RBFOX1: variants seen among roughly 807,000 people sequenced by gnomAD.
RBFOX1 encodes RNA binding protein fox-1 homolog 1.
RBFOX1 carries 8 observed loss-of-function variants against 57.7 expected under a neutral mutation model. The observed-to-expected ratio is 0.14, with a 90% confidence interval of 0.08 to 0.25. The LOEUF is 0.25. Among genes scored for constraint, RBFOX1 ranks in the 10% least tolerant of loss-of-function variants. RBFOX1 has a pLI of 1.00. For missense variants in RBFOX1, 611 were observed against 548.5 expected (o/e 1.11, Z -1.14); for synonymous variants, 326 against 222.4 (o/e 1.47, Z -4.15).
At chr16:5,289,401 G>A in intron 1 of RBFOX1, 2 of 356,128 alleles carry the variant, frequency 5.6e-6, no homozygotes, top group Middle Eastern at 8.2e-4. Flanking sequence ...ATGGGGTGCT[G>A]CCATCATACC....
At chr16:6,149,373 A>G (rs1597800639) in intron 1 of RBFOX1, among the ~76,000 whole-genome samples, 1 of 152,212 alleles carries the variant, frequency 6.6e-6, no homozygotes, top group East Asian at 1.9e-4. Flanking sequence ...AGGAACATTG[A>G]AGTTTTGCTA....
intron 1 of RBFOX1, among the ~76,000 whole-genome samples, chr16:5,320,165 C>A (rs547976367): frequency 6.6e-6 from 1 of 152,128 alleles, no homozygotes; most frequent in East Asian, 1.9e-4. Context: ...CATAGGTGTG[C>A]GTGTAACCAG....
intron 2 of RBFOX1, among the ~76,000 whole-genome samples, chr16:6,607,688 G>A (rs760445036): frequency 6.6e-6 from 1 of 151,574 alleles, no homozygotes; most frequent in East Asian, 1.9e-4. Flanking sequence ...TGCCTATGTG[G>A]GCATGTGAGT....
chr16:7,643,742 C>T (rs1026868848), intron 11 of RBFOX1, among the ~76,000 whole-genome samples: 3 of 152,126 alleles, frequency 2.0e-5, no homozygotes, highest in African/African-American at 7.2e-5. Flanking sequence ...TGAACTCTTA[C>T]CAGGAACATA....
chr16:5,392,162 G>T (rs1459924410), intron 1 of RBFOX1, among the ~76,000 whole-genome samples: 2 of 152,092 alleles, frequency 1.3e-5, no homozygotes, highest in Non-Finnish European at 2.9e-5. Flanking sequence ...AGGGATAAAA[G>T]ACTACAAATT....
chr16:7,546,086 G>A (rs1466722171), intron 5 of RBFOX1, among the ~76,000 whole-genome samples: 1 of 151,902 alleles, frequency 6.6e-6, no homozygotes, highest in East Asian at 1.9e-4. Context: ...CAGCACTTTG[G>A]GGGACAGAGG....
intron 3 of RBFOX1, among the ~76,000 whole-genome samples, chr16:6,952,094 A>G (rs1404677997): frequency 6.6e-6 from 1 of 152,140 alleles, no homozygotes; most frequent in Non-Finnish European, 1.5e-5. Flanking sequence ...CTTTCTGAAA[A>G]CGATTGCTTT....
chr16:6,320,722 A>G (rs1054044684), intron 2 of RBFOX1, among the ~76,000 whole-genome samples: 2 of 152,102 alleles, frequency 1.3e-5, no homozygotes, highest in African/African-American at 2.4e-5. Context: ...AAATGTGACT[A>G]TTACACCTGA....
chr16:5,616,716 T>C (rs1596471462), intron 3 of RBFOX1, among the ~76,000 whole-genome samples: 1 of 116,582 alleles, frequency 8.6e-6, no homozygotes, highest in Non-Finnish European at 1.7e-5. Context: ...CCTCCCCACC[T>C]CTTTCTGTCC....
chr16:5,689,915 G>T (rs979520261), intron 3 of RBFOX1, among the ~76,000 whole-genome samples: 1 of 152,166 alleles, frequency 6.6e-6, no homozygotes, highest in Non-Finnish European at 1.5e-5. Flanking sequence ...AGTCTAGGAA[G>T]GTCTCTCTGA....
chr16:7,615,288 G>A (rs1168490212), intron 10 of RBFOX1, among the ~76,000 whole-genome samples: 1 of 151,948 alleles, frequency 6.6e-6, no homozygotes, highest in Non-Finnish European at 1.5e-5. Flanking sequence ...AGCTGAGATC[G>A]TGCCACTGCA....
At chr16:6,513,072 A>G (rs542523491) in intron 2 of RBFOX1, among the ~76,000 whole-genome samples, 1 of 152,342 alleles carries the variant, frequency 6.6e-6, no homozygotes, top group South Asian at 2.1e-4. Context: ...ACAGTATTGA[A>G]GAATCCAAGT....
chr16:7,012,677 G>C (rs2093708911), intron 3 of RBFOX1, among the ~76,000 whole-genome samples: 1 of 152,174 alleles, frequency 6.6e-6, no homozygotes, highest in African/African-American at 2.4e-5. Flanking sequence ...TTAATTTTAA[G>C]CTGACTTTAT....
At chr16:5,718,503 C>A (rs1006330707) in intron 3 of RBFOX1, among the ~76,000 whole-genome samples, 4 of 152,214 alleles carry the variant, frequency 2.6e-5, no homozygotes, top group Non-Finnish European at 4.4e-5. Context: ...GAAGGCTGGG[C>A]TATTGTGAAA....
intron 4 of RBFOX1, among the ~76,000 whole-genome samples, chr16:7,184,512 C>G (rs912150247): frequency 1.3e-5 from 2 of 152,198 alleles, no homozygotes; most frequent in Non-Finnish European, 2.9e-5. Flanking sequence ...GCAGCCCTGT[C>G]TCATGGTCAA....
intron 3 of RBFOX1, among the ~76,000 whole-genome samples, chr16:7,034,140 G>A (rs2043586108): frequency 6.6e-6 from 1 of 152,146 alleles, no homozygotes; most frequent in South Asian, 2.1e-4. Context: ...TTGTCTGAGT[G>A]ATTCTCATTG....
At chr16:7,673,937 AAGTG>A (rs1329512823) in intron 13 of RBFOX1, among the ~76,000 whole-genome samples, 2 of 152,212 alleles carry the variant, frequency 1.3e-5, no homozygotes, top group Non-Finnish European at 2.9e-5. Context: ...CAGCAATTGA[AAGTG>A]AGTGTTCCTT....
intron 3 of RBFOX1, among the ~76,000 whole-genome samples, chr16:6,975,225 G>C (rs1294309743): frequency 6.6e-6 from 1 of 151,794 alleles, no homozygotes; most frequent in East Asian, 1.9e-4. Flanking sequence ...GAATTTAAGA[G>C]GCCACCACAA....
intron 4 of RBFOX1, among the ~76,000 whole-genome samples, chr16:7,502,810 G>T (rs2071417262): frequency 6.6e-6 from 1 of 152,138 alleles, no homozygotes; most frequent in African/African-American, 2.4e-5. Context: ...GATCATCTGA[G>T]GTCAGGGTTT....
Sources: gnomAD v4.1 joint callset for allele counts (sites outside exome capture counted in the v4.1 genomes callset) on GRCh38, gnomAD v4.1.1 for gene constraint, MANE v1.5 for transcripts, NCBI Gene and HGNC (gene_info 2026-07-23, HGNC 2026-07-21) for gene names.